TMEM132C: variants seen among roughly 807,000 people sequenced by gnomAD.
TMEM132C encodes protein phosphatase 1, regulatory subunit 152.
TMEM132C carries 29 observed loss-of-function variants against 61.4 expected under a neutral mutation model. The ratio of observed to expected loss-of-function variants is 0.47; its 90% CI spans 0.35 to 0.64. TMEM132C has a LOEUF of 0.64. Among genes scored for constraint, TMEM132C ranks in the 30% least tolerant of loss-of-function variants. The pLI is 0.00. For synonymous variants in TMEM132C, 656 were observed against 633.1 expected, an observed-to-expected ratio of 1.04 and a Z score of -0.54; for missense variants, 1,408 against 1,476.9, an observed-to-expected ratio of 0.95 and a Z score of 0.76.
chr12:128,478,031 C>T (rs1871206289), intron 2 of TMEM132C, among the ~76,000 whole-genome samples: 1 of 152,188 alleles, frequency 6.6e-6, no homozygotes, highest in Non-Finnish European at 1.5e-5. Flanking sequence ...GACTTCAAGC[C>T]ATTCCATAGT....
At chr12:128,626,555 G>A (rs1445024839) in intron 4 of TMEM132C, among the ~76,000 whole-genome samples, 1 of 151,012 alleles carries the variant, frequency 6.6e-6, no homozygotes, top group Admixed American at 6.6e-5. Context: ...AGCGATTCTC[G>A]TGCCTCAGCC....
intron 2 of TMEM132C, among the ~76,000 whole-genome samples, chr12:128,494,130 C>T (rs1027461605): frequency 3.9e-5 from 6 of 152,140 alleles, no homozygotes; most frequent in Admixed American, 6.5e-5. Context: ...GTCTTTGGTT[C>T]TGTTTATATG....
intron 4 of TMEM132C, among the ~76,000 whole-genome samples, chr12:128,639,408 G>C (rs1954137861): frequency 6.7e-6 from 1 of 148,464 alleles, no homozygotes; most frequent in Admixed American, 6.6e-5. Context: ...TGATGGTGAT[G>C]ATGATGATAA....
intron 1 of TMEM132C, among the ~76,000 whole-genome samples, chr12:128,399,521 T>G (rs577029313): frequency 2.2e-4 from 34 of 151,910 alleles, no homozygotes; most frequent in Non-Finnish European, 4.1e-4. Context: ...TCCCTCCAGA[T>G]TTTTTTTTCT....
intron 2 of TMEM132C, among the ~76,000 whole-genome samples, chr12:128,487,076 G>T (rs909559438): frequency 6.6e-6 from 1 of 152,158 alleles, no homozygotes; most frequent in African/African-American, 2.4e-5. Context: ...GGGTGCCAGG[G>T]TATTCCGGAA....
intron 2 of TMEM132C, among the ~76,000 whole-genome samples, chr12:128,440,147 T>G (rs1178395920): frequency 6.6e-6 from 1 of 152,240 alleles, no homozygotes; most frequent in Non-Finnish European, 1.5e-5. Flanking sequence ...TCTCCCATTC[T>G]CCTGTCTGGG....
At chr12:128,430,253 A>C (rs1461146471) in intron 2 of TMEM132C, among the ~76,000 whole-genome samples, 1 of 152,204 alleles carries the variant, frequency 6.6e-6, no homozygotes, top group African/African-American at 2.4e-5. Flanking sequence ...GCCATAGGGC[A>C]AGCAAGTTCT....
chr12:128,580,331 G>A (rs1403750301), intron 3 of TMEM132C, among the ~76,000 whole-genome samples: 1 of 152,182 alleles, frequency 6.6e-6, no homozygotes, highest in Non-Finnish European at 1.5e-5. Context: ...TGAGGCAGGA[G>A]AATGGCATGA....
chr12:128,332,455 T>C (rs1052167529), intron 1 of TMEM132C, among the ~76,000 whole-genome samples: 1 of 151,492 alleles, frequency 6.6e-6, no homozygotes, highest in African/African-American at 2.5e-5. Context: ...ATTCTCTTTC[T>C]CTCTCTTTCT....
chr12:128,543,210 T>C (rs1873822510), intron 2 of TMEM132C, among the ~76,000 whole-genome samples: 1 of 152,218 alleles, frequency 6.6e-6, no homozygotes, highest in Non-Finnish European at 1.5e-5. Context: ...GGGACTTCCC[T>C]GGAGTGATGT....
chr12:128,586,540 A>G (rs1246913105), intron 3 of TMEM132C, among the ~76,000 whole-genome samples: 2 of 152,166 alleles, frequency 1.3e-5, no homozygotes, highest in Non-Finnish European at 2.9e-5. Context: ...TTCCACTATT[A>G]CATAAGCAAA....
rs150141594 is a variant in TMEM132C at position 128,321,135 on chromosome 12, G to GAA, written c.85+53652_85+53653dup. Among the ~76,000 whole-genome samples the GAA allele has an allele frequency of 4.3e-4, 55 of 128,078 alleles. 1 individual carries two copies. Among genetic ancestry groups the GAA allele is most frequent in the South Asian group, 1.9e-3 (8 of 4,206 alleles). The allele number at this position is 128,078 out of a possible 152,430, so 84.0% of individuals were successfully genotyped here. On this transcript the variant is annotated intron_variant, in intron 1 of 8. Transcript: ENST00000435159. Reference sequence around the variant, plus strand: ...GGTCCCTGTCCAGGCTGCCATTTTTGAAAAATAATAATAATAATAATAATA... The same window carrying GAA: ...GGTCCCTGTCCAGGCTGCCATTTTTGAAAAAAATAATAATAATAATAATAATA...
chr12:128,407,642 C>T (rs1405784039), intron 1 of TMEM132C, among the ~76,000 whole-genome samples: 1 of 152,158 alleles, frequency 6.6e-6, no homozygotes, highest in African/African-American at 2.4e-5. Flanking sequence ...TTGGCCCAGG[C>T]TTGTTCTTCT....
At chr12:128,422,932 G>T (rs1869039316) in intron 2 of TMEM132C, among the ~76,000 whole-genome samples, 1 of 152,120 alleles carries the variant, frequency 6.6e-6, no homozygotes, top group African/African-American at 2.4e-5. Context: ...AGAGATATCT[G>T]GGTGGTCTGT....
intron 3 of TMEM132C, among the ~76,000 whole-genome samples, chr12:128,591,348 G>A (rs796637369): frequency 7.4e-4 from 112 of 152,128 alleles, no homozygotes; most frequent in African/African-American, 2.5e-3. Flanking sequence ...GGCGTTTCGT[G>A]TCAGTGGAAT....
chr12:128,685,202 TAAGG>T (rs1218617698), intron 5 of TMEM132C, among the ~76,000 whole-genome samples: 1 of 151,812 alleles, frequency 6.6e-6, no homozygotes, highest in Non-Finnish European at 1.5e-5. Flanking sequence ...GAATGGGAGG[TAAGG>T]AAGAGAGGGG....
At chr12:128,629,563 C>T (rs1041071641) in intron 4 of TMEM132C, among the ~76,000 whole-genome samples, 3 of 152,116 alleles carry the variant, frequency 2.0e-5, no homozygotes, top group Admixed American at 6.5e-5. Flanking sequence ...TGGCTGCCTG[C>T]GGTTGGGGAA....
intron 4 of TMEM132C, among the ~76,000 whole-genome samples, chr12:128,661,559 TAA>T (rs55750879): frequency 0.21 from 27,591 of 131,800 alleles, 2,645 homozygotes; most frequent in Middle Eastern, 0.29. Context: ...GAGAAGATGC[TAA>T]AAAAAAAAAA....
intron 8 of TMEM132C, among the ~76,000 whole-genome samples, chr12:128,703,955 C>T (rs1037726090): frequency 1.3e-5 from 2 of 152,148 alleles, no homozygotes; most frequent in African/African-American, 4.8e-5. Context: ...TAGAAGTACC[C>T]ATGGCTAAGT....
Sources: gnomAD v4.1 joint callset for allele counts (sites outside exome capture counted in the v4.1 genomes callset) on GRCh38, gnomAD v4.1.1 for gene constraint, MANE v1.5 for transcripts, NCBI Gene and HGNC (gene_info 2026-07-23, HGNC 2026-07-21) for gene names.